The following CEP112 variants were observed in gnomAD, a reference collection of about 807,000 sequenced individuals.
CEP112 encodes centrosomal protein 112.
In CEP112, 127 loss-of-function variants were observed where a neutral mutation model predicts 153.0. The ratio of observed to expected loss-of-function variants is 0.83; its 90% CI spans 0.72 to 0.96. The LOEUF is 0.96. Ranked by LOEUF, CEP112 falls within the 40% of genes least tolerant of loss-of-function variation. The pLI is 0.00. For synonymous variants in CEP112, 358 were observed against 374.4 expected (o/e 0.96, Z 0.51); for missense variants, 1,089 against 1,101.2 (o/e 0.99, Z 0.16).
At chr17:65,780,832 G>A (rs180981578) in intron 21 of CEP112, among the ~76,000 whole-genome samples, 1,543 of 152,166 alleles carry the variant, frequency 0.01, 13 homozygotes, top group Non-Finnish European at 0.016. Flanking sequence ...AATCAGCCAA[G>A]TAATAAATTA....
chr17:65,980,604 T>C (rs1398903663), intron 17 of CEP112, among the ~76,000 whole-genome samples: 1 of 152,160 alleles, frequency 6.6e-6, no homozygotes, highest in African/African-American at 2.4e-5. Context: ...CTTCAAAACT[T>C]AGCTTATTGG....
chr17:66,138,189 G>T (rs2070524369), intron 4 of CEP112, among the ~76,000 whole-genome samples: 1 of 152,172 alleles, frequency 6.6e-6, no homozygotes, highest in Admixed American at 6.5e-5. Context: ...TATATAGCAG[G>T]AAGAACTGTA....
intron 21 of CEP112, among the ~76,000 whole-genome samples, chr17:65,829,178 GTTTA>G (rs2056974560): frequency 6.6e-6 from 1 of 152,060 alleles, no homozygotes; most frequent in African/African-American, 2.4e-5. Context: ...GAATGAAGAG[GTTTA>G]TTTAAGCCAA....
intron 6 of CEP112, among the ~76,000 whole-genome samples, chr17:66,097,293 AC>A (rs1323510439): frequency 6.6e-6 from 1 of 152,060 alleles, no homozygotes; most frequent in Non-Finnish European, 1.5e-5. Context: ...TGGTTAACTT[AC>A]TCAAGACTTG....
At chr17:65,837,252 G>A (rs1016385445) in intron 21 of CEP112, among the ~76,000 whole-genome samples, 1 of 151,966 alleles carries the variant, frequency 6.6e-6, no homozygotes. Flanking sequence ...GAGCGTCTCT[G>A]CCTGGCCGCC....
chr17:65,886,709 T>C (rs1336446097), intron 20 of CEP112, among the ~76,000 whole-genome samples: 1 of 152,208 alleles, frequency 6.6e-6, no homozygotes, highest in Non-Finnish European at 1.5e-5. Context: ...AGTTTCATTC[T>C]TTTCATGTAC....
intron 21 of CEP112, among the ~76,000 whole-genome samples, chr17:65,822,951 G>T (rs9901097): frequency 6.6e-6 from 1 of 151,920 alleles, no homozygotes. Flanking sequence ...TATTAGCAAA[G>T]AACAATTGGG....
chr17:66,155,303 C>T (rs1406481222), intron 4 of CEP112, among the ~76,000 whole-genome samples: 2 of 152,082 alleles, frequency 1.3e-5, no homozygotes, highest in Admixed American at 1.3e-4. Flanking sequence ...GGAACTCCCT[C>T]CCCTAGCCAA....
intron 17 of CEP112, among the ~76,000 whole-genome samples, chr17:65,978,434 C>T (rs1015760462): frequency 3.9e-5 from 6 of 152,186 alleles, no homozygotes; most frequent in Admixed American, 1.3e-4. Context: ...AGGCCCAGCT[C>T]GGTCACGTGC....
intron 16 of CEP112, among the ~76,000 whole-genome samples, chr17:66,015,615 T>C (rs765248944): frequency 1.2e-4 from 19 of 152,242 alleles, no homozygotes; most frequent in Non-Finnish European, 2.4e-4. Context: ...TCTATTGTTT[T>C]ATGACATTTA....
intron 24 of CEP112, among the ~76,000 whole-genome samples, chr17:65,654,576 G>A (rs2143692194): frequency 6.6e-6 from 1 of 152,304 alleles, no homozygotes; most frequent in African/African-American, 2.4e-5. Flanking sequence ...TTTCTGGAAA[G>A]GGTTATATTT....
At chr17:65,935,425 A>G (rs1196424775) in intron 18 of CEP112, among the ~76,000 whole-genome samples, 1 of 152,216 alleles carries the variant, frequency 6.6e-6, no homozygotes, top group African/African-American at 2.4e-5. Flanking sequence ...AAATGTACCT[A>G]AAAGACATTA....
chr17:66,064,503 T>C (rs2055472818), intron 10 of CEP112, among the ~76,000 whole-genome samples: 1 of 152,222 alleles, frequency 6.6e-6, no homozygotes, highest in Non-Finnish European at 1.5e-5. Flanking sequence ...TTGGATATAA[T>C]CTTATCATAG....
intron 19 of CEP112, among the ~76,000 whole-genome samples, chr17:65,918,442 GTGTTTTT>G (rs932311997): frequency 1.2e-4 from 19 of 152,178 alleles, no homozygotes; most frequent in East Asian, 7.7e-4. Flanking sequence ...TGGCCCTTCA[GTGTTTTT>G]TGTTTTTTGT....
At chr17:65,846,935 G>A (rs1197952889) in intron 21 of CEP112, among the ~76,000 whole-genome samples, 2 of 152,080 alleles carry the variant, frequency 1.3e-5, no homozygotes, top group South Asian at 2.1e-4. Context: ...CAGGGAATTC[G>A]GAGTCCAGGT....
intron 8 of CEP112, among the ~76,000 whole-genome samples, chr17:66,084,994 A>C (rs1186428358): frequency 6.6e-6 from 1 of 152,196 alleles, no homozygotes; most frequent in African/African-American, 2.4e-5. Flanking sequence ...AAATAGAAGA[A>C]ACCTTCTCTA....
At chr17:65,952,627 A>G (rs970763150) in intron 18 of CEP112, among the ~76,000 whole-genome samples, 1 of 152,140 alleles carries the variant, frequency 6.6e-6, no homozygotes, top group African/African-American at 2.4e-5. Context: ...TGGTAAATAC[A>G]TAGGAATGGA....
At chr17:65,762,583 C>T (rs1344125552) in intron 21 of CEP112, among the ~76,000 whole-genome samples, 2 of 151,726 alleles carry the variant, frequency 1.3e-5, no homozygotes, top group Non-Finnish European at 2.9e-5. Flanking sequence ...CTCCATGCTT[C>T]TTTTTTAAAA....
chr17:65,929,170 T>C (rs1463437457), intron 18 of CEP112, among the ~76,000 whole-genome samples: 1 of 152,198 alleles, frequency 6.6e-6, no homozygotes, highest in East Asian at 1.9e-4. Context: ...AACCACTGAA[T>C]TGTACACATA....
Sources: allele counts gnomAD v4.1 joint callset (sites outside exome capture counted in the v4.1 genomes callset), GRCh38; gene constraint gnomAD v4.1.1; transcripts MANE v1.5; gene names NCBI Gene and HGNC (gene_info 2026-07-23, HGNC 2026-07-21).